GLYATL2: variants seen among roughly 807,000 people sequenced by gnomAD.
The protein encoded by GLYATL2 is glycine-N-acyltransferase like 2.
GLYATL2 carries 25 observed loss-of-function variants against 21.4 expected under a neutral mutation model. The ratio of observed to expected loss-of-function variants is 1.17; its 90% CI spans 0.85 to 1.63. GLYATL2 has a LOEUF of 1.63. Among genes scored for constraint, GLYATL2 ranks in the 40% most tolerant of loss-of-function variants. GLYATL2 has a pLI of 0.00. For synonymous variants in GLYATL2, 114 were observed against 118.2 expected, an observed-to-expected ratio of 0.96 and a Z score of 0.23; for missense variants, 361 against 343.3, an observed-to-expected ratio of 1.05 and a Z score of -0.41.
chr11:58,862,255 T>TTTGATAGTTTAA (rs1318142127), intron 1 of GLYATL2, among the ~76,000 whole-genome samples: 1 of 152,196 alleles, frequency 6.6e-6, no homozygotes, highest in Non-Finnish European at 1.5e-5. Context: ...TCCTTTGATT[T>TTTGATAGTTTAA]TTGATAGTTT....
At chr11:58,887,417 T>A (rs1239830802) in intron 1 of GLYATL2, among the ~76,000 whole-genome samples, 1 of 152,148 alleles carries the variant, frequency 6.6e-6, no homozygotes, top group Admixed American at 6.6e-5. Flanking sequence ...AAAAAGTAAC[T>A]TTTTCTTAAT....
chr11:58,837,092 A>T lies in GLYATL2; in HGVS notation c.399T>A (p.Phe133Leu). The T allele has an allele frequency of 4.3e-6, 7 of 1,613,884 alleles. No homozygotes were observed. The highest frequency in any genetic ancestry group is 5.9e-6 in the Non-Finnish European group (7 of 1,179,806). ...VQVDYMKTIL[F>L]IPELPKKHKT... ...TGTGTTTCTTTGGTAATTCCGGTAT[A>T]AAGAGGATGGTTTTCATGTAATCTA... Residue 133 changes from phenylalanine (F) to leucine (L), a missense_variant, in exon 5 of 6, where the codon TTT (phenylalanine) becomes TTA (leucine). By Grantham distance (22) the Phe-to-Leu change is conservative (BLOSUM62 0). Coordinates refer to ENST00000287275, the MANE Select transcript of GLYATL2 (RefSeq NM_145016.4).
chr11:58,864,512 T>C (rs962965701), intron 1 of GLYATL2, among the ~76,000 whole-genome samples: 1 of 149,270 alleles, frequency 6.7e-6, no homozygotes, highest in African/African-American at 2.4e-5. Flanking sequence ...AAGCAGGCTC[T>C]GTGTTTTTGG....
upstream of GLYATL2, among the ~76,000 whole-genome samples, chr11:58,846,139 A>T (rs1853638536): frequency 6.6e-6 from 1 of 152,198 alleles, no homozygotes; most frequent in African/African-American, 2.4e-5. Context: ...CATATGTTTT[A>T]TTCCATAATT....
In GLYATL2 at chr11:58,834,112, T is replaced by C. The variant is rs1021975712; in HGVS notation, c.*317A>G. The C allele has an allele frequency of 5.2e-6, 1 of 192,642 alleles. No homozygotes were observed. Among genetic ancestry groups the C allele is most frequent in the Non-Finnish European group, 1.0e-5 (1 of 95,586 alleles). 11.9% of individuals were successfully genotyped at this position (192,642 alleles called of 1,614,324 possible). On this transcript the variant is annotated 3_prime_UTR_variant, in exon 6 of 6. Transcript: ENST00000287275. ...TTAACAAGAAAGTCATAAAAGTGAA[T>C]TTTTTCATGAAAGAAATAGTCTTCA... is the stretch of plus-strand genomic sequence containing the variant.
At chr11:58,842,474 C>CTG (rs1387728380) in intron 1 of GLYATL2, among the ~76,000 whole-genome samples, 2 of 122,818 alleles carry the variant, frequency 1.6e-5, no homozygotes, top group African/African-American at 6.2e-5. Flanking sequence ...ATGAGTGAGA[C>CTG]TCTGTGTGTG....
chr11:58,877,579 A>G (rs1424033297), intron 1 of GLYATL2, among the ~76,000 whole-genome samples: 1 of 152,244 alleles, frequency 6.6e-6, no homozygotes, highest in Non-Finnish European at 1.5e-5. Context: ...AAGAAGTAAC[A>G]AGTGAAGTTA....
At chr11:58,838,584 C>T (rs932495231) in intron 2 of GLYATL2, among the ~76,000 whole-genome samples, 2 of 152,138 alleles carry the variant, frequency 1.3e-5, no homozygotes, top group African/African-American at 4.8e-5. Context: ...AAGTTAATAC[C>T]TGAGTCATTA....
At chr11:58,867,800 C>T (rs1854047283) in intron 1 of GLYATL2, among the ~76,000 whole-genome samples, 1 of 148,822 alleles carries the variant, frequency 6.7e-6, no homozygotes, top group South Asian at 2.2e-4. Context: ...CTAAACCTTT[C>T]GGTTTTGAAC....
chr11:58,845,272 A>G (rs1340054890), upstream of GLYATL2, among the ~76,000 whole-genome samples: 3 of 152,186 alleles, frequency 2.0e-5, no homozygotes, highest in Non-Finnish European at 4.4e-5. Flanking sequence ...TACATTTTGA[A>G]GACATTGAGA....
At chr11:58,841,749 T>A (rs1166816393) in intron 1 of GLYATL2, among the ~76,000 whole-genome samples, 1 of 152,206 alleles carries the variant, frequency 6.6e-6, no homozygotes. Context: ...CTGCAGGCTT[T>A]GGTAGCATAT....
At chr11:58,862,078 G>T (rs1331748932) in intron 1 of GLYATL2, among the ~76,000 whole-genome samples, 1 of 151,978 alleles carries the variant, frequency 6.6e-6, no homozygotes, top group Non-Finnish European at 1.5e-5. Flanking sequence ...AACAGATTTT[G>T]TTGGGAACAG....
At position 58,834,381 on chromosome 11, in the gene GLYATL2, A is replaced by C. The variant is rs1317561979; in HGVS notation, c.*48T>G. ...AGATCACAATGCTTGTGTTTGAATT[A>C]ATGTTTTTTTACTGATAAGAAAGAT... On this transcript the variant is annotated 3_prime_UTR_variant, in exon 6 of 6. Transcript: ENST00000287275. 1 of 1,441,532 alleles carries C rather than the reference A, an allele frequency of 6.9e-7. No homozygotes were observed. Among genetic ancestry groups the C allele is most frequent in the Non-Finnish European group, 9.4e-7 (1 of 1,064,978 alleles). The allele number at this position is 1,441,532 out of a possible 1,614,324, so 89.3% of individuals were successfully genotyped here.
upstream of GLYATL2, chr11:58,904,228 C>G (rs1565113279): frequency 2.0e-5 from 3 of 152,204 alleles, no homozygotes; most frequent in Non-Finnish European, 2.9e-5. Flanking sequence ...TTCCACACCT[C>G]CTATTGTCCT....
At chr11:58,865,588 G>T (rs1442123841) in intron 1 of GLYATL2, among the ~76,000 whole-genome samples, 1 of 149,064 alleles carries the variant, frequency 6.7e-6, no homozygotes, top group African/African-American at 2.4e-5. Flanking sequence ...TCTCAGTTTT[G>T]CATATGCAAT....
At chr11:58,854,766 C>T (rs1036573774) in intron 1 of GLYATL2, among the ~76,000 whole-genome samples, 2 of 152,198 alleles carry the variant, frequency 1.3e-5, no homozygotes, top group African/African-American at 2.4e-5. Flanking sequence ...TTTCAACCCT[C>T]GCTACAGCTT....
chr11:58,873,604 G>A (rs766307551), intron 1 of GLYATL2, among the ~76,000 whole-genome samples: 2 of 152,168 alleles, frequency 1.3e-5, no homozygotes, highest in Admixed American at 6.5e-5. Flanking sequence ...ATTTGAGTAT[G>A]TTGAACCAGC....
At chr11:58,862,594 A>G (rs1853951136) in intron 1 of GLYATL2, among the ~76,000 whole-genome samples, 1 of 152,200 alleles carries the variant, frequency 6.6e-6, no homozygotes, top group Non-Finnish European at 1.5e-5. Context: ...CTGCTTTCAA[A>G]GAACTCTATG....
intron 1 of GLYATL2, among the ~76,000 whole-genome samples, chr11:58,849,724 G>A (rs1176429522): frequency 2.0e-5 from 3 of 152,128 alleles, no homozygotes; most frequent in Non-Finnish European, 4.4e-5. Flanking sequence ...CTTATAAGTG[G>A]GAGTTGAACA....
Sources: allele counts gnomAD v4.1 joint callset (sites outside exome capture counted in the v4.1 genomes callset), GRCh38; gene constraint gnomAD v4.1.1; transcripts MANE v1.5; gene names NCBI Gene and HGNC (gene_info 2026-07-23, HGNC 2026-07-21).